Variants in GABBR2 observed in about 807,000 individuals in gnomAD.
GABBR2 encodes gamma-aminobutyric acid type B receptor subunit 2.
In GABBR2, 23 loss-of-function variants were observed where a neutral mutation model predicts 105.6. The observed-to-expected ratio is 0.22, with a 90% CI of 0.16 to 0.31. The LOEUF (loss-of-function observed/expected upper bound fraction) is 0.31, where lower values mean the gene tolerates loss of function less well. Among genes scored for constraint, GABBR2 ranks in the 10% least tolerant of loss-of-function variants. GABBR2 has a pLI of 1.00. For synonymous variants in GABBR2, 478 were observed against 499.7 expected, an observed-to-expected ratio of 0.96 and a Z score of 0.58; for missense variants, 734 against 1,245.5, an observed-to-expected ratio of 0.59 and a Z score of 6.18.
rs556719197 is a variant in GABBR2 at position 98,357,516 on chromosome 9, C to T, written c.1893+5199G>A. Among the ~76,000 whole-genome samples, 8 of 152,018 alleles carry T rather than the reference C, an allele frequency of 5.3e-5. No individual in the cohort carries two copies. In the South Asian group the frequency reaches 1.5e-3, roughly 28 times the overall value. ...TACAAAAATTAATGGGGTGTGGTGGCGCATGCCTGTAGTCCCAGCTACTTG... is the reference window on the plus strand; with the variant it reads ...TACAAAAATTAATGGGGTGTGGTGGTGCATGCCTGTAGTCCCAGCTACTTG... On this transcript the variant is annotated intron_variant, in intron 13 of 18. Transcript: ENST00000259455.
In GABBR2 at chr9:98,303,488, T is replaced by C; in HGVS notation, c.2230-65A>G. The C allele has an allele frequency of 2.9e-6, 4 of 1,387,972 alleles. No homozygotes were observed. The South Asian group carries it at 5.1e-5, about 18-fold the overall frequency. 86.0% of individuals were successfully genotyped at this position (1,387,972 alleles called of 1,614,324 possible). On this transcript the variant is annotated intron_variant, in intron 15 of 18. Coordinates refer to ENST00000259455, the MANE Select transcript of GABBR2 (RefSeq NM_005458.8). The stretch of plus-strand genomic sequence containing the variant: ...CTTGAGTCCTTCCTCCCATCCCACA[T>C]GGCAGACTCTCCCAGCAGATCCTGC...
At chr9:98,651,880 A>G (rs936652640) in intron 1 of GABBR2, among the ~76,000 whole-genome samples, 2 of 152,224 alleles carry the variant, frequency 1.3e-5, no homozygotes, top group Non-Finnish European at 2.9e-5. Flanking sequence ...TAAAGAATTA[A>G]TGTTGATTTT....
At chr9:98,701,931 C>G (rs538132007) in intron 1 of GABBR2, among the ~76,000 whole-genome samples, 1 of 152,230 alleles carries the variant, frequency 6.6e-6, no homozygotes, top group East Asian at 1.9e-4. Flanking sequence ...GAAATAATAA[C>G]AATGGGAACA....
intron 2 of GABBR2, among the ~76,000 whole-genome samples, chr9:98,543,265 T>A (rs1828337760): frequency 6.6e-6 from 1 of 152,098 alleles, no homozygotes; most frequent in Non-Finnish European, 1.5e-5. Context: ...TGCAGTATGA[T>A]GGTGAAAAGA....
At chr9:98,630,625 G>A (rs1246652685) in intron 1 of GABBR2, among the ~76,000 whole-genome samples, 1 of 152,114 alleles carries the variant, frequency 6.6e-6, no homozygotes, top group Non-Finnish European at 1.5e-5. Flanking sequence ...AGAGAAAAGA[G>A]AAGCAAAGAG....
intron 3 of GABBR2, among the ~76,000 whole-genome samples, chr9:98,532,612 G>C (rs1282864677): frequency 2.6e-5 from 4 of 152,140 alleles, no homozygotes; most frequent in Admixed American, 2.6e-4. Context: ...GAGCACAGTG[G>C]TCCCACCTGA....
Position 98,303,982 on chromosome 9 carries a change from A to G in GABBR2, c.2230-559T>C, listed in dbSNP as rs551809841. Among the ~76,000 whole-genome samples the G allele has an allele frequency of 9.8e-4, 149 of 152,346 alleles. 4 individuals are homozygous for G. In the South Asian group the frequency reaches 0.023, roughly 23 times the overall value. On this transcript the variant is annotated intron_variant, in intron 15 of 18. Coordinates refer to ENST00000259455, the MANE Select transcript of GABBR2 (RefSeq NM_005458.8). ...CTTAGCTACATCCAAAACATTTTGT[A>G]TAGAAAACAAAAAGTTGCCACTTGA...
chr9:98,621,531 G>C (rs1829670857), intron 1 of GABBR2, among the ~76,000 whole-genome samples: 1 of 152,196 alleles, frequency 6.6e-6, no homozygotes, highest in East Asian at 1.9e-4. Flanking sequence ...GGCATGCTGT[G>C]AACTGCGACG....
chr9:98,346,870 A>G (rs1354062161), intron 13 of GABBR2, among the ~76,000 whole-genome samples: 1 of 152,100 alleles, frequency 6.6e-6, no homozygotes, highest in East Asian at 1.9e-4. Flanking sequence ...TTAACATAAT[A>G]TCCTCCAGGC....
chr9:98,437,115 A>G (rs904504822), intron 7 of GABBR2, among the ~76,000 whole-genome samples: 1 of 152,230 alleles, frequency 6.6e-6, no homozygotes, highest in Non-Finnish European at 1.5e-5. Flanking sequence ...GAGACCTCAC[A>G]TCAGAAAATG....
At chr9:98,492,999 G>C (rs1181113990) in intron 4 of GABBR2, among the ~76,000 whole-genome samples, 1 of 152,204 alleles carries the variant, frequency 6.6e-6, no homozygotes. Flanking sequence ...TTTGGAGTGT[G>C]AAGTATCTAT....
At chr9:98,448,940 C>T (rs984945358) in intron 7 of GABBR2, among the ~76,000 whole-genome samples, 1 of 151,350 alleles carries the variant, frequency 6.6e-6, no homozygotes, top group Non-Finnish European at 1.5e-5. Context: ...AAAAAGATCA[C>T]CTGAAGAACT....
At chr9:98,612,553 T>C (rs1013930654) in intron 1 of GABBR2, among the ~76,000 whole-genome samples, 1 of 152,242 alleles carries the variant, frequency 6.6e-6, no homozygotes, top group Non-Finnish European at 1.5e-5. Context: ...TGACAAGCAC[T>C]GTTTTATGAA....
At chr9:98,696,902 G>A (rs1236036515) in intron 1 of GABBR2, among the ~76,000 whole-genome samples, 2 of 152,154 alleles carry the variant, frequency 1.3e-5, no homozygotes, top group Admixed American at 6.5e-5. Flanking sequence ...GACTGAGTGG[G>A]TGGACAGAGA....
chr9:98,492,407 G>A (rs12335397), intron 4 of GABBR2, among the ~76,000 whole-genome samples: 1 of 81,342 alleles, frequency 1.2e-5, no homozygotes. Flanking sequence ...AAATTGTGGA[G>A]ACTATATACA....
intron 13 of GABBR2, among the ~76,000 whole-genome samples, chr9:98,313,548 A>G (rs993336396): frequency 1.3e-5 from 2 of 152,240 alleles, no homozygotes; most frequent in Non-Finnish European, 2.9e-5. Context: ...TAGACACTAA[A>G]TAGTTGCAAA....
intron 1 of GABBR2, among the ~76,000 whole-genome samples, chr9:98,641,220 G>A (rs1347397822): frequency 6.7e-6 from 1 of 149,380 alleles, no homozygotes; most frequent in Non-Finnish European, 1.5e-5. Context: ...TACAACCTCT[G>A]CCTCCTGGGT....
At chr9:98,375,953 C>A (rs1831865611) in intron 11 of GABBR2, among the ~76,000 whole-genome samples, 1 of 152,208 alleles carries the variant, frequency 6.6e-6, no homozygotes, top group Non-Finnish European at 1.5e-5. Flanking sequence ...CACCAAATAG[C>A]TACTTCACTT....
intron 6 of GABBR2, among the ~76,000 whole-genome samples, chr9:98,461,408 A>T (rs1321902789): frequency 6.6e-6 from 1 of 152,230 alleles, no homozygotes; most frequent in Non-Finnish European, 1.5e-5. Flanking sequence ...AAGCTTGTGT[A>T]TATATCCACA....
Sources: allele counts gnomAD v4.1 joint callset (sites outside exome capture counted in the v4.1 genomes callset), GRCh38; gene constraint gnomAD v4.1.1; transcripts MANE v1.5; gene names NCBI Gene and HGNC (gene_info 2026-07-23, HGNC 2026-07-21).